The following UACA variants were observed in gnomAD, a reference collection of about 807,000 sequenced individuals.
UACA encodes uveal autoantigen with coiled-coil domains and ankyrin repeats, also known as nuclear membrane binding protein.
Under a neutral mutation model 160.5 loss-of-function variants are expected in UACA, and 112 were observed. The ratio of observed to expected loss-of-function variants is 0.70; its 90% CI spans 0.60 to 0.82. UACA has a LOEUF of 0.82. Ranked by LOEUF, UACA falls within the 40% of genes least tolerant of loss-of-function variation. UACA has a pLI of 0.00. For missense variants in UACA, 1,574 were observed against 1,614.6 expected (o/e 0.97, Z 0.43); for synonymous variants, 557 against 568.4 (o/e 0.98, Z 0.29).
chr15:70,676,105 A>T (rs1897296678), intron 13 of UACA, among the ~76,000 whole-genome samples: 1 of 152,242 alleles, frequency 6.6e-6, no homozygotes, highest in African/African-American at 2.4e-5. Context: ...AGTGATGCCC[A>T]GTGATGAATC....
intron 1 of UACA, among the ~76,000 whole-genome samples, chr15:70,723,066 T>G (rs1899038660): frequency 2.0e-5 from 3 of 152,352 alleles, no homozygotes; most frequent in Non-Finnish European, 1.5e-5. Context: ...TAGTTTACCT[T>G]GATCAAGTTA....
At chr15:70,752,169 CAG>C (rs1324450466) in intron 1 of UACA, among the ~76,000 whole-genome samples, 1 of 146,422 alleles carries the variant, frequency 6.8e-6, no homozygotes, top group Non-Finnish European at 1.5e-5. Context: ...ACCCGGGAGG[CAG>C]AGGTTGCGGC....
chr15:70,671,908 A>G, intron 14 of UACA, 57 bp downstream of exon 14: 1 of 1,423,458 alleles, frequency 7.0e-7, no homozygotes, highest in Non-Finnish European at 9.7e-7. Context: ...AAGAATAAAC[A>G]TTCTTCTTTA....
intron 1 of UACA, 30 bp from the exon 2 acceptor site, chr15:70,699,690 G>C: frequency 6.2e-7 from 1 of 1,601,180 alleles, no homozygotes; most frequent in Non-Finnish European, 8.5e-7. Context: ...AAGTAAATAT[G>C]GCATACTACA....
intron 1 of UACA, chr15:70,754,196 G>A (rs1439610951): frequency 2.2e-6 from 1 of 455,570 alleles, no homozygotes; most frequent in South Asian, 1.6e-5. Flanking sequence ...GCTCTCTCAA[G>A]GATACCTGGC....
At chr15:70,693,138 G>C (rs907110801) in intron 3 of UACA, among the ~76,000 whole-genome samples, 2 of 152,196 alleles carry the variant, frequency 1.3e-5, no homozygotes, top group Non-Finnish European at 1.5e-5. Context: ...AGATAGCATG[G>C]AGTGGAGATG....
intron 1 of UACA, among the ~76,000 whole-genome samples, chr15:70,735,843 T>A (rs1002811557): frequency 2.4e-4 from 37 of 152,080 alleles, no homozygotes; most frequent in African/African-American, 8.5e-4. Flanking sequence ...GCCCAGCTAA[T>A]TTTTTAATTT....
intron 11 of UACA, 97 bp from the exon 12 acceptor site, chr15:70,677,237 C>T: frequency 1.1e-6 from 1 of 899,536 alleles, no homozygotes; most frequent in East Asian, 2.5e-5. Flanking sequence ...TGGCAAATGT[C>T]TTTAAGACTA....
At chr15:70,756,362 T>C (rs905363252) in intron 1 of UACA, among the ~76,000 whole-genome samples, 1 of 151,690 alleles carries the variant, frequency 6.6e-6, no homozygotes. Flanking sequence ...GGTTTTACCA[T>C]GTTGGCCAGG....
chr15:70,685,457 T>C (rs1383284574), intron 7 of UACA, among the ~76,000 whole-genome samples: 2 of 152,142 alleles, frequency 1.3e-5, no homozygotes, highest in Non-Finnish European at 1.5e-5. Context: ...TATTCAAGCC[T>C]TGTCCCCCAA....
rs554636938 is a variant in UACA at position 70,710,069 on chromosome 15, C to A, written c.79-10409G>T. ...GCCCAGGAGTTGAGACCAGCCTGGG[C>A]AACATGACGAAACCCTCTCTCTACA... is the stretch of plus-strand genomic sequence containing the variant. On this transcript the variant is annotated intron_variant, in intron 1 of 18. Coordinates refer to ENST00000322954, the MANE Select transcript of UACA (RefSeq NM_018003.4). 3.9e-5 allele frequency among the ~76,000 whole-genome samples: 6 copies of A among 152,186 alleles called. No individual in the cohort carries two copies. The East Asian group carries it at 1.2e-3, about 29-fold the overall frequency.
intron 9 of UACA, among the ~76,000 whole-genome samples, chr15:70,681,347 CAG>C (rs1208346700): frequency 1.3e-5 from 2 of 151,728 alleles, no homozygotes; most frequent in African/African-American, 4.8e-5. Context: ...TTCTTGAAAA[CAG>C]AGATTACATG....
intron 1 of UACA, among the ~76,000 whole-genome samples, chr15:70,710,227 C>T (rs1186426874): frequency 1.3e-5 from 2 of 152,024 alleles, no homozygotes; most frequent in African/African-American, 4.8e-5. Context: ...TATATTCCAG[C>T]CTGTCTGTTA....
At chr15:70,723,312 A>C (rs1566991319) in intron 1 of UACA, among the ~76,000 whole-genome samples, 1 of 152,220 alleles carries the variant, frequency 6.6e-6, no homozygotes, top group Non-Finnish European at 1.5e-5. Context: ...TGGGCAACAC[A>C]GTAGACTTTG....
Position 70,670,986 on chromosome 15 carries a change from A to C in UACA, c.1221+53T>G, listed in dbSNP as rs1897117996. 2.4e-6 allele frequency: 3 copies of C among 1,230,564 alleles called. No homozygotes were observed. In the Admixed American group the frequency reaches 7.5e-5, roughly 31 times the overall value. 76.2% of individuals were successfully genotyped at this position (1,230,564 alleles called of 1,614,324 possible). On this transcript the variant is annotated intron_variant, in intron 15 of 18. Coordinates refer to ENST00000322954, the MANE Select transcript of UACA (RefSeq NM_018003.4). The stretch of plus-strand genomic sequence containing the variant: ...CGCTTTCTCCTCTCTTTATAAAGGC[A>C]CAAAAATTTTCTTTAAATGTTTTTT...
At chr15:70,736,252 T>C (rs1367807747) in intron 1 of UACA, among the ~76,000 whole-genome samples, 1 of 152,224 alleles carries the variant, frequency 6.6e-6, no homozygotes, top group Non-Finnish European at 1.5e-5. Context: ...AGTAGCTGTA[T>C]ATAAAGAATA....
At chr15:70,765,237 A>G (rs1220109323), upstream of UACA, among the ~76,000 whole-genome samples, 1 of 149,618 alleles carries the variant, frequency 6.7e-6, no homozygotes, top group African/African-American at 2.5e-5. Flanking sequence ...AGAAAATCCT[A>G]CTCCCCCAAG....
chr15:70,735,737 G>C lies in UACA; in HGVS notation c.78+27593C>G, dbSNP rs546360721. ...CTGTCACCCAAGCTGGAGCAGTGGT[G>C]CAATCATGACTCTCTGCAGCCTCGA... On this transcript the variant is annotated intron_variant, in intron 1 of 18. Transcript: ENST00000322954. Among the ~76,000 whole-genome samples the C allele has an allele frequency of 2.6e-5, 4 of 152,294 alleles. No homozygotes were observed. In the South Asian group the frequency reaches 8.3e-4, roughly 32 times the overall value.
In UACA at chr15:70,763,546, A is replaced by T. The variant is rs1490042529; in HGVS notation, c.-139T>A. ...TGCCTGCCACCTGCGGGCCCCGGGCAGCAGACGTCGACAGGCCTGAGGCGG... is the reference window on the plus strand; with the variant it reads ...TGCCTGCCACCTGCGGGCCCCGGGCTGCAGACGTCGACAGGCCTGAGGCGG... On this transcript the variant is annotated 5_prime_UTR_variant, in exon 1 of 19. Transcript: ENST00000322954. The T allele has an allele frequency of 1.5e-5, 19 of 1,244,812 alleles. No homozygotes were observed. Among genetic ancestry groups the T allele is most frequent in the South Asian group, 3.6e-5 (1 of 27,448 alleles). The allele number at this position is 1,244,812 out of a possible 1,614,324, so 77.1% of individuals were successfully genotyped here.
Sources: gnomAD v4.1 joint callset for allele counts (sites outside exome capture counted in the v4.1 genomes callset) on GRCh38, gnomAD v4.1.1 for gene constraint, MANE v1.5 for transcripts, NCBI Gene and HGNC (gene_info 2026-07-23, HGNC 2026-07-21) for gene names.